Variants in NKAIN2 observed in about 807,000 individuals in gnomAD.
NKAIN2 encodes the protein sodium/potassium transporting ATPase interacting 2, also known as sodium/potassium-transporting ATPase subunit beta-1-interacting protein 2.
A neutral mutation model predicts 32.6 loss-of-function variants in NKAIN2; 14 were observed. The observed-to-expected ratio is 0.43, with a 90% CI of 0.28 to 0.67. NKAIN2 has a LOEUF of 0.67. NKAIN2 is among the 30% of genes least tolerant of loss of function. The probability of loss-of-function intolerance (pLI) is 0.17; values close to 1 mark genes in which losing one functional copy is unlikely to be tolerated. For synonymous variants in NKAIN2, 80 were observed against 87.2 expected (o/e 0.92, Z 0.46); for missense variants, 198 against 258.3 (o/e 0.77, Z 1.60).
At chr6:124,467,951 G>T (rs1219178979) in intron 3 of NKAIN2, among the ~76,000 whole-genome samples, 9 of 152,126 alleles carry the variant, frequency 5.9e-5, no homozygotes, top group Middle Eastern at 3.4e-3. Context: ...GTTTCTTCAA[G>T]TATATGTTTG....
chr6:123,849,757 A>C lies in NKAIN2; in HGVS notation c.54+45503A>C, dbSNP rs556386068. 1.2e-4 allele frequency among the ~76,000 whole-genome samples: 18 copies of C among 152,252 alleles called. No homozygotes were observed. The South Asian group carries it at 3.7e-3, about 32-fold the overall frequency. ...CAAATATTCTTTTAACTTCTGTGTT[A>C]AATTACTTCTTGGATTGGAAGCTGC... On this transcript the variant is annotated intron_variant, in intron 1 of 6. Transcript: ENST00000368417.
At chr6:124,394,745 G>A (rs1773302987) in intron 3 of NKAIN2, among the ~76,000 whole-genome samples, 1 of 151,806 alleles carries the variant, frequency 6.6e-6, no homozygotes. Context: ...CTTAGATGAA[G>A]CCCGCCTATG....
chr6:124,626,065 G>A (rs1384044192), intron 3 of NKAIN2, among the ~76,000 whole-genome samples: 1 of 148,742 alleles, frequency 6.7e-6, no homozygotes, highest in African/African-American at 2.5e-5. Context: ...TTAGCATTAG[G>A]TATATCTCCT....
chr6:124,377,916 A>G (rs562375571), intron 3 of NKAIN2, among the ~76,000 whole-genome samples: 4 of 152,210 alleles, frequency 2.6e-5, no homozygotes, highest in South Asian at 2.1e-4. Context: ...CCTTTCTCTT[A>G]TGTATCTTGG....
chr6:124,584,913 A>G (rs1000274321), intron 3 of NKAIN2, among the ~76,000 whole-genome samples: 1 of 152,222 alleles, frequency 6.6e-6, no homozygotes, highest in Admixed American at 6.5e-5. Context: ...TCAAAAAACT[A>G]AAAACAGAGC....
intron 3 of NKAIN2, among the ~76,000 whole-genome samples, chr6:124,404,639 C>A (rs332603): frequency 0.16 from 24,246 of 151,540 alleles, 2,225 homozygotes; most frequent in East Asian, 0.24. Flanking sequence ...TTAATGTAAA[C>A]GACTAAAGAG....
At chr6:124,809,810 A>T (rs1423692062) in intron 5 of NKAIN2, among the ~76,000 whole-genome samples, 2 of 152,182 alleles carry the variant, frequency 1.3e-5, no homozygotes, top group African/African-American at 2.4e-5. Flanking sequence ...AACCCCATCA[A>T]AAAGTGGGCG....
At position 124,754,067 on chromosome 6, in the gene NKAIN2, C is replaced by T. The variant is rs552809409; in HGVS notation, c.475-37272C>T. Among the ~76,000 whole-genome samples the T allele has an allele frequency of 2.0e-5, 3 of 152,168 alleles. No homozygotes were observed. In the East Asian group the frequency reaches 5.8e-4, roughly 30 times the overall value. Reference sequence around the variant, plus strand: ...GTAAGCTCCTTAAAGACTCAATTTTCAAAGCGCTTGTTGAATCCCTTCTGC... The same window carrying T: ...GTAAGCTCCTTAAAGACTCAATTTTTAAAGCGCTTGTTGAATCCCTTCTGC... On this transcript the variant is annotated intron_variant, in intron 4 of 6. Coordinates refer to ENST00000368417, the MANE Select transcript of NKAIN2 (RefSeq NM_001040214.3).
intron 1 of NKAIN2, among the ~76,000 whole-genome samples, chr6:124,234,439 A>G (rs898251309): frequency 6.6e-6 from 1 of 152,156 alleles, no homozygotes; most frequent in Non-Finnish European, 1.5e-5. Flanking sequence ...TGAAACCACT[A>G]GGGAGCTCAA....
intron 3 of NKAIN2, among the ~76,000 whole-genome samples, chr6:124,608,074 T>A (rs184723387): frequency 1.3e-5 from 2 of 152,274 alleles, no homozygotes; most frequent in East Asian, 3.9e-4. Context: ...TTGAAAAGTG[T>A]CTGTACAAAG....
intron 1 of NKAIN2, among the ~76,000 whole-genome samples, chr6:124,108,945 G>T (rs554655323): frequency 2.1e-4 from 32 of 151,894 alleles, no homozygotes; most frequent in Non-Finnish European, 4.3e-4. Context: ...TTTTAACATT[G>T]TCATGTATTT....
intron 1 of NKAIN2, among the ~76,000 whole-genome samples, chr6:124,138,702 T>TTA (rs1384307729): frequency 6.8e-6 from 1 of 147,840 alleles, no homozygotes; most frequent in South Asian, 2.1e-4. Flanking sequence ...ATAATATATA[T>TTA]TATATATATC....
chr6:124,071,955 G>A (rs1783487206), intron 1 of NKAIN2, among the ~76,000 whole-genome samples: 2 of 152,058 alleles, frequency 1.3e-5, no homozygotes, highest in South Asian at 2.1e-4. Context: ...ACCATTCCAA[G>A]TAGCAATACC....
At chr6:124,710,609 T>C (rs1775392488) in intron 4 of NKAIN2, among the ~76,000 whole-genome samples, 1 of 151,826 alleles carries the variant, frequency 6.6e-6, no homozygotes, top group Non-Finnish European at 1.5e-5. Context: ...TCTTTTGATC[T>C]TTGTTGGTTT....
chr6:123,922,594 G>A (rs1775805847), intron 1 of NKAIN2, among the ~76,000 whole-genome samples: 2 of 152,092 alleles, frequency 1.3e-5, no homozygotes, highest in Non-Finnish European at 2.9e-5. Flanking sequence ...GGTGGGGAAA[G>A]GGCAACCCAA....
intron 3 of NKAIN2, among the ~76,000 whole-genome samples, chr6:124,488,673 A>T (rs1265707073): frequency 1.3e-5 from 2 of 152,044 alleles, no homozygotes; most frequent in African/African-American, 4.8e-5. Flanking sequence ...TGTTGAGATG[A>T]TGAGCAGATG....
chr6:123,866,707 G>A (rs1772534713), intron 1 of NKAIN2, among the ~76,000 whole-genome samples: 1 of 152,176 alleles, frequency 6.6e-6, no homozygotes, highest in Admixed American at 6.5e-5. Context: ...TGGGATTACA[G>A]GCGTGAGCCA....
chr6:124,628,962 T>C (rs1783459029), intron 3 of NKAIN2, among the ~76,000 whole-genome samples: 1 of 152,184 alleles, frequency 6.6e-6, no homozygotes, highest in Non-Finnish European at 1.5e-5. Context: ...ACAGATCAGC[T>C]AGCTCAAAAG....
rs181237603 is a variant in NKAIN2 at position 124,571,375 on chromosome 6, C to T, written c.274-86811C>T. 1.1e-4 allele frequency among the ~76,000 whole-genome samples: 16 copies of T among 152,226 alleles called. No individual in the cohort carries two copies. In the East Asian group the frequency reaches 3.1e-3, roughly 29 times the overall value. On this transcript the variant is annotated intron_variant, in intron 3 of 6. Transcript: ENST00000368417. ...GAATGATAAGGTTTGTCTGTGTCCC[C>T]ACCCAAATCTCAACTTGAATTTATC...
Sources: allele counts gnomAD v4.1 joint callset (sites outside exome capture counted in the v4.1 genomes callset), GRCh38; gene constraint gnomAD v4.1.1; transcripts MANE v1.5; gene names NCBI Gene and HGNC (gene_info 2026-07-23, HGNC 2026-07-21).